The following ENPP7 variants were observed in gnomAD, a reference collection of about 807,000 sequenced individuals.
ENPP7 encodes ectonucleotide pyrophosphatase/phosphodiesterase family member 7.
Under a neutral mutation model 33.6 loss-of-function variants are expected in ENPP7, and 39 were observed. The ratio of observed to expected loss-of-function variants is 1.16; its 90% confidence interval spans 0.90 to 1.52. The LOEUF is 1.52. Ranked by LOEUF, ENPP7 falls within the 40% of genes most tolerant of loss-of-function variation. ENPP7 has a pLI of 0.00. For synonymous variants in ENPP7, 244 were observed against 274.3 expected (o/e 0.89, Z 1.09); for missense variants, 594 against 641.0 (o/e 0.93, Z 0.79).
At chr17:79,740,723 C>G (rs1370702575) in intron 5 of ENPP7, among the ~76,000 whole-genome samples, 1 of 152,230 alleles carries the variant, frequency 6.6e-6, no homozygotes, top group African/African-American at 2.4e-5. Context: ...AGCAAACCTG[C>G]TCTCCAGATC....
chr17:79,735,195 A>T lies in ENPP7; in HGVS notation c.552A>T (p.Thr184=). ...ANIDTVMAWF[T]EEDLDLVTLY... is the part of the protein sequence containing the mutation. ...TCGACACAGTGATGGCGTGGTTCAC[A>T]GAGGAGGACCTGGATCTGGTCACAC... is the stretch of plus-strand genomic sequence containing the variant. The change falls in exon 3 of 6, where the codon ACA becomes ACT. Residue 184 remains threonine (T), a synonymous_variant. Coordinates refer to ENST00000328313, the MANE Select transcript of ENPP7 (RefSeq NM_178543.5). The surrounding 1 kb of genome is among the most constrained non-coding windows in gnomAD (Gnocchi z 5.5). 1 of 1,613,462 alleles carries T rather than the reference A, an allele frequency of 6.2e-7. No individual in the cohort carries two copies. Among genetic ancestry groups the T allele is most frequent in the Non-Finnish European group, 8.5e-7 (1 of 1,180,036 alleles).
At chr17:79,736,297 C>A (rs1282269613) in intron 3 of ENPP7, among the ~76,000 whole-genome samples, 1 of 152,222 alleles carries the variant, frequency 6.6e-6, no homozygotes. Context: ...CCTGGGCCTC[C>A]CAAAGTGCTG....
Position 79,741,816 on chromosome 17 carries a change from A to G in ENPP7, c.*39A>G. On this transcript the variant is annotated 3_prime_UTR_variant, in exon 6 of 6. Coordinates refer to ENST00000328313, the MANE Select transcript of ENPP7 (RefSeq NM_178543.5). ...CAGGAAGCCGCCGGGAGCTGCCCGC[A>G]GGCCCTGGGCCGGCTGTCTCGCTGC... 1.0e-6 allele frequency: 1 copy of G among 986,032 alleles called. No homozygotes were observed. The highest frequency in any genetic ancestry group is 1.2e-6 in the Non-Finnish European group (1 of 830,522). The allele number at this position is 986,032 out of a possible 1,614,324, so 61.1% of individuals were successfully genotyped here.
Position 79,737,300 on chromosome 17 carries a change from T to C in ENPP7, c.1246+40T>C, listed in dbSNP as rs1555823830. ...CCCCAAATCCCCGCCTGCTCTGGTG[T>C]GTACACGTGTGCACACGAGGGTGCC... On this transcript the variant is annotated intron_variant, in intron 4 of 5. Coordinates refer to ENST00000328313, the MANE Select transcript of ENPP7 (RefSeq NM_178543.5). This position sits in a 1 kb window ranked among gnomAD's most constrained non-coding sequence, Gnocchi z 5.5. 1.3e-6 allele frequency: 2 copies of C among 1,507,616 alleles called. No individual in the cohort carries two copies. The highest frequency in any genetic ancestry group is 1.4e-5 in the African/African-American group (1 of 72,752). 93.4% of individuals were successfully genotyped at this position (1,507,616 alleles called of 1,614,324 possible).
chr17:79,740,799 C>T (rs1256918079), intron 5 of ENPP7, among the ~76,000 whole-genome samples: 3 of 152,132 alleles, frequency 2.0e-5, no homozygotes, highest in Admixed American at 2.0e-4. Context: ...CACCATGGCC[C>T]ATTTCAAGCT....
At position 79,735,787 on chromosome 17, in the gene ENPP7, G is replaced by C. The variant is rs782768511; in HGVS notation, c.1026+118G>C. The C allele has an allele frequency of 8.5e-5, 80 of 942,104 alleles. 1 individual carries two copies. The highest frequency in any genetic ancestry group is 6.7e-4 in the Middle Eastern group (2 of 2,972). The allele number at this position is 942,104 out of a possible 1,614,324, so 58.4% of individuals were successfully genotyped here. A position where few individuals can be genotyped will look rare whatever the true frequency, so the allele number is the denominator to read the frequency against. ...TTGCCCAGGCTGGAGTGCAATGGCA[G>C]GATCTCAGCTCACTGCAGCCTTAAA... On this transcript the variant is annotated intron_variant, in intron 3 of 5. Coordinates refer to ENST00000328313, the MANE Select transcript of ENPP7 (RefSeq NM_178543.5). This position sits in a 1 kb window ranked among gnomAD's most constrained non-coding sequence, Gnocchi z 5.5.
At chr17:79,732,136 A>ATATATATATATACATATATATATG (rs1555822678) in intron 1 of ENPP7, among the ~76,000 whole-genome samples, 4 of 47,022 alleles carry the variant, frequency 8.5e-5, no homozygotes, top group African/African-American at 1.3e-4. Context: ...ATATATGTAT[A>ATATATATATATACATATATATATG]TATATATATA....
intron 1 of ENPP7, among the ~76,000 whole-genome samples, chr17:79,732,305 A>T (rs1262604308): frequency 6.6e-6 from 1 of 151,484 alleles, no homozygotes; most frequent in Admixed American, 6.6e-5. Flanking sequence ...AAAATAATAA[A>T]AAGCCAAGTA....
chr17:79,731,292 C>T lies in ENPP7; in HGVS notation c.153C>T (p.Thr51=). 4 of 1,613,956 alleles carry T rather than the reference C, an allele frequency of 2.5e-6. No homozygotes were observed. Among genetic ancestry groups the T allele is most frequent in the Non-Finnish European group, 3.4e-6 (4 of 1,179,960 alleles). Residue 51 remains threonine, a synonymous_variant, in exon 1 of 6, where the codon ACC becomes ACT. Transcript: ENST00000328313. ...GGAACTACGACCAGGACGTGGACAC[C>T]CCCAACCTGGACGCCATGGCCCGAG... ...FRWNYDQDVD[T]PNLDAMARDG... is the part of the protein sequence containing the mutation.
Position 79,735,517 on chromosome 17 carries a change from A to T in ENPP7, c.874A>T (p.Arg292Trp). 1 of 1,613,956 alleles carries T rather than the reference A, an allele frequency of 6.2e-7. No individual in the cohort carries two copies. Among genetic ancestry groups the T allele is most frequent in the Non-Finnish European group, 8.5e-7 (1 of 1,180,010 alleles). Residue 292 changes from arginine (R) to tryptophan (W), a missense_variant, in exon 3 of 6, where the codon AGG becomes TGG. By Grantham distance (101) the Arg-to-Trp change is moderately radical (BLOSUM62 -3). Coordinates refer to ENST00000328313, the MANE Select transcript of ENPP7 (RefSeq NM_178543.5). The surrounding 1 kb of genome is among the most constrained non-coding windows in gnomAD (Gnocchi z 5.5). ...PNGMLLPKEG[R>W]LEKVYDALKD... Reference sequence around the variant, plus strand: ...CGGGATGCTGCTCCCTAAAGAAGGGAGGCTGGAGAAGGTGTACGATGCCCT... The same window carrying T: ...CGGGATGCTGCTCCCTAAAGAAGGGTGGCTGGAGAAGGTGTACGATGCCCT...
At position 79,735,222 on chromosome 17, in the gene ENPP7, C is replaced by G. The variant is rs782005485; in HGVS notation, c.579C>G (p.Leu193=). ...FTEEDLDLVT[L]YFGEPDSTGH... ...AGGAGGACCTGGATCTGGTCACACT[C>G]TACTTCGGGGAGCCGGACTCCACGG... Residue 193 remains leucine, a synonymous_variant, in exon 3 of 6, where the codon CTC becomes CTG. Coordinates refer to ENST00000328313, the MANE Select transcript of ENPP7 (RefSeq NM_178543.5). This position sits in a 1 kb window ranked among gnomAD's most constrained non-coding sequence, Gnocchi z 5.5. The G allele has an allele frequency of 5.6e-6, 9 of 1,613,314 alleles. No individual in the cohort carries two copies. Among genetic ancestry groups the G allele is most frequent in the Middle Eastern group, 3.3e-4 (2 of 6,084 alleles).
In ENPP7 at chr17:79,735,176, C is replaced by T. The variant is rs2094292942; in HGVS notation, c.533C>T (p.Thr178Ile). The T allele has an allele frequency of 6.2e-7, 1 of 1,613,208 alleles. No individual in the cohort carries two copies. The highest frequency in any genetic ancestry group is 1.3e-5 in the African/African-American group (1 of 74,952). ...ACGGAGTGGAGAGCGAACATCGACA[C>T]AGTGATGGCGTGGTTCACAGAGGAG... ...NETEWRANID[T>I]VMAWFTEEDL... Residue 178 changes from threonine (T) to isoleucine (I), a missense_variant, in exon 3 of 6, where the codon ACA becomes ATA. Thr to Ile is a moderately conservative substitution (Grantham distance 89). Transcript: ENST00000328313. The surrounding 1 kb of genome is among the most constrained non-coding windows in gnomAD (Gnocchi z 5.5).
chr17:79,733,392 C>A, intron 1 of ENPP7, 116 bp from the exon 2 acceptor site: 1 of 1,105,962 alleles, frequency 9.0e-7, no homozygotes, highest in Non-Finnish European at 1.3e-6. Flanking sequence ...GCCCACTCCC[C>A]ACCCAGCACA....
At position 79,732,151 on chromosome 17, in the gene ENPP7, C is replaced by CATATATACACATATATATATATATAT. The variant is rs2094287721; in HGVS notation, c.253+760_253+761insTATATACACATATATATATATATATA. 6.6e-4 allele frequency among the ~76,000 whole-genome samples: 17 copies of CATATATACACATATATATATATATAT among 25,892 alleles called. No homozygotes were observed. In the East Asian group the frequency reaches 0.013, roughly 19 times the overall value. The allele number at this position is 25,892 out of a possible 152,430, so 17.0% of individuals were successfully genotyped here. On this transcript the variant is annotated intron_variant, in intron 1 of 5. Transcript: ENST00000328313. ...ATATATGTATATATATATATATATA[C>CATATATACACATATATATATATATAT]ACACACATATATATATATATGAGGC...
rs1555823738 is a variant in ENPP7 at position 79,737,075 on chromosome 17, G to A, written c.1061G>A (p.Gly354Asp). The A allele has an allele frequency of 2.5e-6, 4 of 1,614,186 alleles. No homozygotes were observed. The highest frequency in any genetic ancestry group is 3.4e-6 in the Non-Finnish European group (4 of 1,180,048). Residue 354 changes from glycine to aspartate, a missense_variant, in exon 4 of 6, where the codon GGC (glycine) becomes GAC (aspartate). Gly to Asp is a moderately conservative substitution (Grantham distance 94, BLOSUM62 -1). This residue lies in a region of ENPP7 where 504 missense variants were observed against 512.8 expected (regional missense o/e 0.98). Coordinates refer to ENST00000328313, the MANE Select transcript of ENPP7 (RefSeq NM_178543.5). This position sits in a 1 kb window ranked among gnomAD's most constrained non-coding sequence, Gnocchi z 5.5. ...GTCCAGTTCAACAATGGGGAGCACG[G>A]CTTTGACAACAAGGACATGGACATG... ...INVQFNNGEHGFDNKDMDMKT... is the reference protein window; with the variant it reads ...INVQFNNGEHDFDNKDMDMKT...
rs782035151 is a variant in ENPP7, at chr17:79,737,231, T to C, written c.1217T>C (p.Leu406Pro). Residue 406 changes from leucine to proline, a missense_variant, in exon 4 of 6, where the codon CTA becomes CCA. Coordinates refer to ENST00000328313, the MANE Select transcript of ENPP7 (RefSeq NM_178543.5). The surrounding 1 kb of genome is among the most constrained non-coding windows in gnomAD (Gnocchi z 5.5). The stretch of plus-strand genomic sequence containing the variant: ...GTGCCCGAGGCCAACGATGGGCACC[T>C]AGCTACTCTGCTGCCCATGCTGCAC... ...GIVPEANDGH[L>P]ATLLPMLHTE... is the part of the protein sequence containing the mutation. 34 of 1,609,362 alleles carry C rather than the reference T, an allele frequency of 2.1e-5. No homozygotes were observed. The Middle Eastern group carries it at 8.2e-4, about 39-fold the overall frequency.
At position 79,731,316 on chromosome 17, in the gene ENPP7, A is replaced by G. The variant is rs1555822464; in HGVS notation, c.177A>G (p.Arg59=). 1.9e-6 allele frequency: 3 copies of G among 1,613,852 alleles called. No homozygotes were observed. Among genetic ancestry groups the G allele is most frequent in the Non-Finnish European group, 2.5e-6 (3 of 1,179,934 alleles). Residue 59 remains arginine, a synonymous_variant, in exon 1 of 6, where the codon CGA becomes CGG. Coordinates refer to ENST00000328313, the MANE Select transcript of ENPP7 (RefSeq NM_178543.5). ...VDTPNLDAMA[R]DGVKARYMTP... ...CCCCCAACCTGGACGCCATGGCCCG[A>G]GACGGGGTGAAGGCACGCTACATGA...
intron 1 of ENPP7, among the ~76,000 whole-genome samples, chr17:79,732,148 A>ATATATATATATATATATATATATT (rs2094287604): frequency 2.8e-5 from 1 of 35,486 alleles, no homozygotes; most frequent in Non-Finnish European, 4.9e-5. Flanking sequence ...ATATATATAT[A>ATATATATATATATATATATATATT]TACACACACA....
rs782205787 is a variant in ENPP7 at position 79,735,615 on chromosome 17, C to T, written c.972C>T (p.Asn324=). The T allele has an allele frequency of 2.5e-6, 4 of 1,613,602 alleles. No individual in the cohort carries two copies. The highest frequency in any genetic ancestry group is 3.4e-6 in the Non-Finnish European group (4 of 1,179,976). Residue 324 remains asparagine (N), a synonymous_variant, in exon 3 of 6, where the codon AAC becomes AAT. Coordinates refer to ENST00000328313, the MANE Select transcript of ENPP7 (RefSeq NM_178543.5). The surrounding 1 kb of genome is among the most constrained non-coding windows in gnomAD (Gnocchi z 5.5). ...CCGAGGCCTTCCACTACGCCAACAA[C>T]CCCAGGGTCACACCCCTGCTGATGT... ...AFPEAFHYAN[N]PRVTPLLMYS...
Sources: allele counts gnomAD v4.1 joint callset (sites outside exome capture counted in the v4.1 genomes callset), GRCh38; gene constraint gnomAD v4.1.1; regional missense constraint gnomAD v4.1.1; non-coding constraint Gnocchi (gnomAD v3.1); transcripts MANE v1.5; gene names NCBI Gene and HGNC (gene_info 2026-07-23, HGNC 2026-07-21).